Variants in MED13 observed in about 807,000 individuals in gnomAD.
The protein encoded by MED13 is mediator complex subunit 13, also known as mediator of RNA polymerase II transcription subunit 13.
A neutral mutation model predicts 225.2 loss-of-function variants in MED13; 23 were observed. The observed-to-expected ratio is 0.10, with a 90% CI of 0.07 to 0.14. The LOEUF is 0.14. MED13 is among the 10% of genes least tolerant of loss of function. The pLI is 1.00. For missense variants in MED13, 2,197 were observed against 2,594.5 expected (o/e 0.85, Z 3.33); for synonymous variants, 942 against 889.2 (o/e 1.06, Z -1.06).
chr17:61,957,111 A>G (rs2079952399), intron 23 of MED13, among the ~76,000 whole-genome samples: 1 of 151,984 alleles, frequency 6.6e-6, no homozygotes, highest in South Asian at 2.1e-4. Flanking sequence ...CAGTGGCACA[A>G]TCTCGGCTCA....
chr17:62,028,624 G>C (rs536175254), intron 8 of MED13, among the ~76,000 whole-genome samples: 3 of 151,922 alleles, frequency 2.0e-5, no homozygotes, highest in African/African-American at 7.2e-5. Flanking sequence ...ATTGTATCAT[G>C]AGGTCAGGAG....
intron 9 of MED13, chr17:62,006,540 T>C (rs2080450635): frequency 6.6e-6 from 1 of 152,212 alleles, no homozygotes; most frequent in South Asian, 2.1e-4. Context: ...CATACTAAAG[T>C]ATTTATTGAA....
rs777837365 is a variant in MED13, at chr17:62,052,712, G to A, written c.302-7C>T. 1 of 1,548,250 alleles carries A rather than the reference G, an allele frequency of 6.5e-7. No homozygotes were observed. Among genetic ancestry groups the A allele is most frequent in the East Asian group, 2.3e-5 (1 of 43,730 alleles). ...CACACTCCATCTTCTTCTTCTAAAA[G>A]AGAAATGAAGGAAATAATAAAATAG... On this transcript the variant is annotated splice_region_variant and splice_polypyrimidine_tract_variant and intron_variant, in intron 2 of 29. Coordinates refer to ENST00000397786, the MANE Select transcript of MED13 (RefSeq NM_005121.3).
intron 10 of MED13, among the ~76,000 whole-genome samples, chr17:61,993,132 C>T (rs369725455): frequency 6.6e-6 from 1 of 151,224 alleles, no homozygotes; most frequent in South Asian, 2.1e-4. Context: ...GGCTGATAAA[C>T]AGTGAGAGCT....
At chr17:62,025,152 G>A (rs1031433514) in intron 8 of MED13, among the ~76,000 whole-genome samples, 1 of 152,124 alleles carries the variant, frequency 6.6e-6, no homozygotes, top group African/African-American at 2.4e-5. Context: ...TTTCTGTAGT[G>A]AACCAGAGAG....
chr17:62,035,847 CA>C (rs1344563795), intron 3 of MED13, among the ~76,000 whole-genome samples: 12 of 152,184 alleles, frequency 7.9e-5, no homozygotes, highest in African/African-American at 2.6e-4. Flanking sequence ...GAGTTAGGTA[CA>C]TTCACACATA....
intron 9 of MED13, 150 bp downstream of exon 9, chr17:62,010,400 A>G: frequency 2.0e-6 from 1 of 493,448 alleles, no homozygotes; most frequent in Non-Finnish European, 3.2e-6. Context: ...CCCTGAGGAA[A>G]AAACACAGTA....
intron 2 of MED13, among the ~76,000 whole-genome samples, chr17:62,060,825 G>A (rs868267213): frequency 5.6e-4 from 85 of 151,832 alleles, no homozygotes; most frequent in African/African-American, 2.0e-3. Flanking sequence ...TCAGCCTACT[G>A]AGTAGCTGGA....
At chr17:61,946,721 C>T (rs2079854437) in intron 29 of MED13, 121 bp from the exon 30 acceptor site, 6 of 1,281,838 alleles carry the variant, frequency 4.7e-6, no homozygotes, top group Non-Finnish European at 6.5e-6. Flanking sequence ...ACAGAGAGTC[C>T]TTGAGGGGAA....
At chr17:61,959,655 T>C (rs2079980453) in intron 23 of MED13, among the ~76,000 whole-genome samples, 1 of 151,764 alleles carries the variant, frequency 6.6e-6, no homozygotes, top group Admixed American at 6.6e-5. Flanking sequence ...TATTTCTGCA[T>C]ATATTTAACT....
rs77501913 is a variant in MED13 at position 61,953,299 on chromosome 17, T to C, written c.5969-186A>G. On this transcript the variant is annotated intron_variant, in intron 26 of 29. Transcript: ENST00000397786. Reference sequence around the variant, plus strand: ...ACAAATAATTATGCATAAACAAGCATGTGGTAGTCTGAATAATGGCCCCCC... The same window carrying C: ...ACAAATAATTATGCATAAACAAGCACGTGGTAGTCTGAATAATGGCCCCCC... Among the ~76,000 whole-genome samples, 77 of 152,294 alleles carry C rather than the reference T, an allele frequency of 5.1e-4. No individual in the cohort carries two copies. The East Asian group carries it at 0.014, about 27-fold the overall frequency.
chr17:62,008,929 TAAAA>T (rs1197368339), intron 9 of MED13, among the ~76,000 whole-genome samples: 2 of 151,954 alleles, frequency 1.3e-5, no homozygotes, highest in Non-Finnish European at 2.9e-5. Flanking sequence ...AAAGCTACAT[TAAAA>T]AATAAACATA....
intron 2 of MED13, 50 bp downstream of exon 2, chr17:62,063,017 A>C (rs1188619834): frequency 7.4e-7 from 1 of 1,346,670 alleles, no homozygotes; most frequent in African/African-American, 1.4e-5. Context: ...TTCTGGGAGA[A>C]GTATACAATG....
chr17:61,993,335 G>A (rs1216960792), intron 10 of MED13, among the ~76,000 whole-genome samples: 2 of 150,536 alleles, frequency 1.3e-5, no homozygotes, highest in African/African-American at 2.5e-5. Context: ...CCAAGCAGCT[G>A]AGATTACAGG....
intron 9 of MED13, chr17:62,005,882 ACTGATG>A (rs2080442281): frequency 6.6e-6 from 1 of 152,108 alleles, no homozygotes; most frequent in Non-Finnish European, 1.5e-5. Flanking sequence ...AGGTCACCAT[ACTGATG>A]CTGAACTTGA....
rs534114735 is a variant in MED13, at chr17:62,015,877, G to GTATA, written c.1284-4648_1284-4645dup. ...ATGTGTATAGTGTGTATGTGTGTGTGTATATATATACACACACACACACAT... is the reference window on the plus strand; with the variant it reads ...ATGTGTATAGTGTGTATGTGTGTGTGTATATATATATATACACACACACACACAT... On this transcript the variant is annotated intron_variant, in intron 8 of 29. Transcript: ENST00000397786. Among the ~76,000 whole-genome samples, 50 of 59,162 alleles carry GTATA rather than the reference G, an allele frequency of 8.5e-4. 1 individual carries two copies. Among genetic ancestry groups the GTATA allele is most frequent in the African/African-American group, 3.0e-3 (47 of 15,786 alleles). 38.8% of individuals were successfully genotyped at this position (59,162 alleles called of 152,430 possible). A position where few individuals can be genotyped will look rare whatever the true frequency, so the allele number is the denominator to read the frequency against.
At chr17:62,060,331 A>G (rs996149468) in intron 2 of MED13, among the ~76,000 whole-genome samples, 3 of 151,956 alleles carry the variant, frequency 2.0e-5, no homozygotes, top group Middle Eastern at 3.4e-3. Flanking sequence ...CATTCAGTAA[A>G]GTCTGACAGC....
At position 61,942,650 on chromosome 17, in the gene MED13, GT is replaced by G. The variant is rs1170326514; in HGVS notation, c.*3817del. 1.4e-5 allele frequency: 2 copies of G among 147,730 alleles called. No homozygotes were observed. Among genetic ancestry groups the G allele is most frequent in the Non-Finnish European group, 3.0e-5 (2 of 66,530 alleles). The allele number at this position is 147,730 out of a possible 1,614,324, so 9.2% of individuals were successfully genotyped here. On this transcript the variant is annotated 3_prime_UTR_variant, in exon 30 of 30. Coordinates refer to ENST00000397786, the MANE Select transcript of MED13 (RefSeq NM_005121.3). Reference sequence around the variant, plus strand: ...TATTCCATTTGAAGTTTTGTTTTTTGTTTTTGTTTTTTTTTTTTTAAAAAGT... The same window carrying G: ...TATTCCATTTGAAGTTTTGTTTTTTGTTTTGTTTTTTTTTTTTTAAAAAGT...
At chr17:61,998,925 C>CTTTTTTTTTTTTTTTTTTTTTTTTTTT in intron 9 of MED13, among the ~76,000 whole-genome samples, 1 of 103,864 alleles carries the variant, frequency 9.6e-6, no homozygotes, top group South Asian at 3.4e-4. Flanking sequence ...TTAAATGGTA[C>CTTTTTTTTTTTTTTTTTTTTTTTTTTT]TTTTTTTTTT....
Sources: allele counts gnomAD v4.1 joint callset (sites outside exome capture counted in the v4.1 genomes callset), GRCh38; gene constraint gnomAD v4.1.1; transcripts MANE v1.5; gene names NCBI Gene and HGNC (gene_info 2026-07-23, HGNC 2026-07-21).